Variants in CCDC91 observed in about 807,000 individuals in gnomAD.
CCDC91 encodes the protein coiled-coil domain containing 91, also known as coiled-coil domain-containing protein 91.
In CCDC91, 48 loss-of-function variants were observed where a neutral mutation model predicts 63.2. That is an observed-to-expected ratio of 0.76 (90% CI 0.60 to 0.97). CCDC91 has a LOEUF of 0.97. Among genes scored for constraint, CCDC91 ranks in the 50% least tolerant of loss-of-function variants. The pLI, the probability that CCDC91 is intolerant of heterozygous loss-of-function variation, is 0.00. For missense variants in CCDC91, 500 were observed against 494.6 expected (o/e 1.01, Z -0.10); for synonymous variants, 167 against 165.8 (o/e 1.01, Z -0.06).
intron 3 of CCDC91, among the ~76,000 whole-genome samples, chr12:28,278,535 CA>C (rs2136520419): frequency 6.6e-6 from 1 of 152,182 alleles, no homozygotes; most frequent in South Asian, 2.1e-4. Context: ...TTAATAAAAT[CA>C]CTGTTCATCT....
chr12:28,374,457 G>A (rs79793479), intron 7 of CCDC91, among the ~76,000 whole-genome samples: 3,137 of 151,718 alleles, frequency 0.021, 96 homozygotes, highest in African/African-American at 0.071. Flanking sequence ...ATATATTTTG[G>A]GTTTATCATT....
At chr12:28,426,285 G>A (rs964207020) in intron 8 of CCDC91, among the ~76,000 whole-genome samples, 1 of 151,956 alleles carries the variant, frequency 6.6e-6, no homozygotes, top group African/African-American at 2.4e-5. Flanking sequence ...TATACTTTAG[G>A]TGTACATTAT....
chr12:28,404,335 A>C (rs376421353), intron 8 of CCDC91, among the ~76,000 whole-genome samples: 4 of 152,120 alleles, frequency 2.6e-5, no homozygotes, highest in Non-Finnish European at 5.9e-5. Context: ...TTCTAGTTTA[A>C]TTCCACCGTG....
intron 12 of CCDC91, among the ~76,000 whole-genome samples, chr12:28,515,654 A>G (rs1330503319): frequency 2.0e-4 from 30 of 151,964 alleles, no homozygotes; most frequent in Admixed American, 2.0e-3. Context: ...TTATTTAGTA[A>G]TGCTGATTAT....
In CCDC91 at chr12:28,201,408, T is replaced by G. The variant is rs9679120; in HGVS notation, c.-15+10767T>G. On this transcript the variant is annotated intron_variant, in intron 1 of 12. Transcript: ENST00000536442. ...CCAGGCGGGGCAGCGGGGCAGAGGCTCTCCCCACATCTCAGACGATGGGCG... is the reference window on the plus strand; with the variant it reads ...CCAGGCGGGGCAGCGGGGCAGAGGCGCTCCCCACATCTCAGACGATGGGCG... 1.5e-5 allele frequency among the ~76,000 whole-genome samples: 2 copies of G among 131,760 alleles called. 1 individual carries two copies. Among genetic ancestry groups the G allele is most frequent in the Non-Finnish European group, 3.4e-5 (2 of 58,816 alleles). The allele number at this position is 131,760 out of a possible 152,430, so 86.4% of individuals were successfully genotyped here. A position where few individuals can be genotyped will look rare whatever the true frequency, so the allele number is the denominator to read the frequency against.
intron 6 of CCDC91, among the ~76,000 whole-genome samples, chr12:28,319,817 G>T (rs182706409): frequency 5.9e-5 from 9 of 151,666 alleles, no homozygotes; most frequent in South Asian, 2.1e-4. Flanking sequence ...ATAATAATAA[G>T]AAGAGAAAAA....
chr12:28,530,684 G>A (rs1029715663), intron 12 of CCDC91, among the ~76,000 whole-genome samples: 4 of 152,090 alleles, frequency 2.6e-5, no homozygotes, highest in Admixed American at 1.3e-4. Flanking sequence ...TGGATTCAAA[G>A]AGTAATTTTT....
At chr12:28,492,831 A>G (rs1952083085) in intron 12 of CCDC91, among the ~76,000 whole-genome samples, 1 of 151,668 alleles carries the variant, frequency 6.6e-6, no homozygotes, top group African/African-American at 2.4e-5. Flanking sequence ...CATGGAAATC[A>G]TTGTTCAGAG....
intron 8 of CCDC91, among the ~76,000 whole-genome samples, chr12:28,394,363 G>A (rs1946147028): frequency 6.6e-6 from 1 of 152,040 alleles, no homozygotes; most frequent in Non-Finnish European, 1.5e-5. Context: ...CTACTCCGGA[G>A]GCTAAGGCAG....
intron 11 of CCDC91, among the ~76,000 whole-genome samples, chr12:28,475,389 G>C (rs1382664261): frequency 6.6e-6 from 1 of 151,924 alleles, no homozygotes. Flanking sequence ...AAAATATTTT[G>C]GTAGCCTTTC....
intron 12 of CCDC91, among the ~76,000 whole-genome samples, chr12:28,501,761 G>A (rs1040809043): frequency 6.6e-6 from 1 of 151,832 alleles, no homozygotes; most frequent in Admixed American, 6.6e-5. Flanking sequence ...CTATTGATTG[G>A]AATAGTTTCA....
At chr12:28,525,453 G>T (rs1941175112) in intron 12 of CCDC91, among the ~76,000 whole-genome samples, 1 of 152,062 alleles carries the variant, frequency 6.6e-6, no homozygotes, top group African/African-American at 2.4e-5. Flanking sequence ...TTCCACTGTG[G>T]TCTGAGAGAG....
At chr12:28,289,048 T>G (rs1949065788) in intron 3 of CCDC91, among the ~76,000 whole-genome samples, 2 of 152,196 alleles carry the variant, frequency 1.3e-5, no homozygotes, top group Non-Finnish European at 2.9e-5. Context: ...TTGTTTCTAA[T>G]TGTGTTTATT....
chr12:28,309,774 G>A (rs189809047), intron 6 of CCDC91, among the ~76,000 whole-genome samples: 18 of 152,024 alleles, frequency 1.2e-4, no homozygotes, highest in Middle Eastern at 3.4e-3. Context: ...AACAGCTCTC[G>A]CTGAACTCTA....
chr12:28,331,901 T>G (rs1309103405), intron 6 of CCDC91, among the ~76,000 whole-genome samples: 2 of 152,156 alleles, frequency 1.3e-5, no homozygotes, highest in Non-Finnish European at 2.9e-5. Flanking sequence ...ACACTGGAGA[T>G]ATCATATGTG....
intron 7 of CCDC91, among the ~76,000 whole-genome samples, chr12:28,382,916 C>G (rs904918284): frequency 4.0e-5 from 6 of 151,800 alleles, no homozygotes; most frequent in African/African-American, 1.5e-4. Context: ...ATTCAAGTCA[C>G]AAGGAATAAT....
At chr12:28,231,404 T>G (rs1228295419) in intron 1 of CCDC91, among the ~76,000 whole-genome samples, 1 of 152,202 alleles carries the variant, frequency 6.6e-6, no homozygotes, top group East Asian at 1.9e-4. Flanking sequence ...AATAGCTGAT[T>G]AAGCAAACAA....
At chr12:28,364,647 A>C (rs1944154913) in intron 7 of CCDC91, among the ~76,000 whole-genome samples, 1 of 152,172 alleles carries the variant, frequency 6.6e-6, no homozygotes, top group Non-Finnish European at 1.5e-5. Context: ...TGGGGAAGAA[A>C]AGCAATAAAA....
intron 3 of CCDC91, among the ~76,000 whole-genome samples, chr12:28,279,117 A>G (rs1948430926): frequency 6.6e-6 from 1 of 151,762 alleles, no homozygotes; most frequent in Non-Finnish European, 1.5e-5. Flanking sequence ...TCTGTGTCAT[A>G]TATTAAGCTT....
Sources: gnomAD v4.1 joint callset for allele counts (sites outside exome capture counted in the v4.1 genomes callset) on GRCh38, gnomAD v4.1.1 for gene constraint, MANE v1.5 for transcripts, NCBI Gene and HGNC (gene_info 2026-07-23, HGNC 2026-07-21) for gene names.